The following CLSTN2 variants were observed in gnomAD, a reference collection of about 807,000 sequenced individuals.
CLSTN2 encodes calsyntenin 2.
In CLSTN2, 48 loss-of-function variants were observed where a neutral mutation model predicts 101.2. The ratio of observed to expected loss-of-function variants is 0.47; its 90% confidence interval spans 0.38 to 0.60. The LOEUF is 0.60. Among genes scored for constraint, CLSTN2 ranks in the 20% least tolerant of loss-of-function variants. The pLI is 0.00. For missense variants in CLSTN2, 1,160 were observed against 1,238.2 expected (o/e 0.94, Z 0.95); for synonymous variants, 481 against 463.6 (o/e 1.04, Z -0.48).
intron 1 of CLSTN2, among the ~76,000 whole-genome samples, chr3:140,026,599 G>A (rs1174788116): frequency 6.6e-6 from 1 of 152,194 alleles, no homozygotes; most frequent in Non-Finnish European, 1.5e-5. Context: ...AGGGACTGGA[G>A]TCTACTCTTC....
chr3:140,175,542 G>A (rs2010309795), intron 1 of CLSTN2, among the ~76,000 whole-genome samples: 1 of 152,200 alleles, frequency 6.6e-6, no homozygotes, highest in Non-Finnish European at 1.5e-5. Context: ...CTAGTTTATT[G>A]AGTGACAAAG....
chr3:140,150,438 G>T (rs1395985966), intron 1 of CLSTN2, among the ~76,000 whole-genome samples: 1 of 152,196 alleles, frequency 6.6e-6, no homozygotes, highest in Non-Finnish European at 1.5e-5. Flanking sequence ...GTGCCACCCA[G>T]CTCTCCCTTC....
At chr3:139,979,079 G>A (rs1010313242) in intron 1 of CLSTN2, among the ~76,000 whole-genome samples, 5 of 152,114 alleles carry the variant, frequency 3.3e-5, no homozygotes, top group African/African-American at 4.8e-5. Context: ...TGTGCGCCCC[G>A]CTTTGGAGGT....
rs531162630 is a variant in CLSTN2, at chr3:140,433,801, G to A, written c.787+12527G>A. 2.6e-5 allele frequency among the ~76,000 whole-genome samples: 4 copies of A among 152,358 alleles called. 1 individual carries two copies. The South Asian group carries it at 8.3e-4, about 32-fold the overall frequency. On this transcript the variant is annotated intron_variant, in intron 5 of 16. Coordinates refer to ENST00000458420, the MANE Select transcript of CLSTN2 (RefSeq NM_022131.3). ...GGAAAGTGAAGGCAGAGGAGAGCAAGTAGAAGTGACTAAAGTGCTTTTGGG... is the reference window on the plus strand; with the variant it reads ...GGAAAGTGAAGGCAGAGGAGAGCAAATAGAAGTGACTAAAGTGCTTTTGGG...
intron 2 of CLSTN2, among the ~76,000 whole-genome samples, chr3:140,313,178 G>T (rs982377878): frequency 2.0e-5 from 3 of 152,164 alleles, no homozygotes; most frequent in African/African-American, 7.2e-5. Context: ...AAAACCATCA[G>T]TGGAACAAAT....
chr3:140,448,635 C>G lies in CLSTN2; in HGVS notation c.904C>G (p.Gln302Glu). 6.2e-7 allele frequency: 1 copy of G among 1,614,134 alleles called. No individual in the cohort carries two copies. Among genetic ancestry groups the G allele is most frequent in the Non-Finnish European group, 8.5e-7 (1 of 1,179,996 alleles). ...VSSLQIVTEL[Q>E]TNYIGKGCDR... is the part of the protein sequence containing the mutation. ...TTCCCTCCAGATCGTCACAGAGCTGCAGACTAATTACATTGGGAAGGGTTG... is the reference window on the plus strand; with the variant it reads ...TTCCCTCCAGATCGTCACAGAGCTGGAGACTAATTACATTGGGAAGGGTTG... Residue 302 changes from glutamine (Q) to glutamate (E), a missense_variant, in exon 6 of 17, where the codon CAG becomes GAG. Gln to Glu is a conservative substitution (Grantham distance 29). Transcript: ENST00000458420.
rs934570913 is a variant in CLSTN2, at chr3:139,949,676, T to G, written c.109+14193T>G. Among the ~76,000 whole-genome samples the G allele has an allele frequency of 3.9e-5, 6 of 152,308 alleles. No homozygotes were observed. The East Asian group carries it at 1.2e-3, about 29-fold the overall frequency. On this transcript the variant is annotated intron_variant, in intron 1 of 16. Transcript: ENST00000458420. ...TACCTTTGCTATCAGTGAATTAGCA[T>G]AGACATAAGGCCCCACTTTGCTCCA...
chr3:139,995,082 T>A (rs938641673), intron 1 of CLSTN2, among the ~76,000 whole-genome samples: 2 of 152,094 alleles, frequency 1.3e-5, no homozygotes, highest in Non-Finnish European at 2.9e-5. Context: ...CTGGGGACAA[T>A]TGGATCAAAA....
chr3:140,525,814 C>A (rs948185970), intron 8 of CLSTN2, among the ~76,000 whole-genome samples: 13 of 152,034 alleles, frequency 8.6e-5, no homozygotes, highest in Non-Finnish European at 2.9e-5. Flanking sequence ...TGAACAGAAT[C>A]AAAAACCACA....
chr3:140,268,308 G>T (rs1307612806), intron 2 of CLSTN2, among the ~76,000 whole-genome samples: 1 of 152,150 alleles, frequency 6.6e-6, no homozygotes, highest in Non-Finnish European at 1.5e-5. Flanking sequence ...CTTTCACTCA[G>T]CCCTTTTACC....
intron 8 of CLSTN2, among the ~76,000 whole-genome samples, chr3:140,512,108 G>T (rs900146032): frequency 6.6e-6 from 1 of 151,944 alleles, no homozygotes; most frequent in Admixed American, 6.6e-5. Context: ...TATGATGATA[G>T]TTTCTTTTGC....
At chr3:140,068,448 C>A (rs2008335871) in intron 1 of CLSTN2, among the ~76,000 whole-genome samples, 1 of 152,222 alleles carries the variant, frequency 6.6e-6, no homozygotes, top group Non-Finnish European at 1.5e-5. Flanking sequence ...AAACCCATGT[C>A]TTTGCCTTCT....
chr3:140,347,088 C>T (rs2087555885), intron 2 of CLSTN2, among the ~76,000 whole-genome samples: 1 of 152,138 alleles, frequency 6.6e-6, no homozygotes, highest in Non-Finnish European at 1.5e-5. Flanking sequence ...TAAAGGGGCC[C>T]AGGTTCTGTT....
chr3:140,350,117 G>A (rs1254742999), intron 2 of CLSTN2, among the ~76,000 whole-genome samples: 2 of 152,232 alleles, frequency 1.3e-5, no homozygotes, highest in South Asian at 4.1e-4. Flanking sequence ...GACAGCCCAC[G>A]TGATTCTGCC....
chr3:140,491,761 G>A (rs1934356889), intron 8 of CLSTN2, among the ~76,000 whole-genome samples: 1 of 152,228 alleles, frequency 6.6e-6, no homozygotes, highest in Non-Finnish European at 1.5e-5. Context: ...GGTTGAGGCT[G>A]CAGTGAGCCG....
chr3:140,171,828 A>T (rs1200783698), intron 1 of CLSTN2, among the ~76,000 whole-genome samples: 2 of 97,936 alleles, frequency 2.0e-5, no homozygotes, highest in African/African-American at 3.8e-5. Context: ...TATTATATAT[A>T]ATAACAATAT....
intron 1 of CLSTN2, among the ~76,000 whole-genome samples, chr3:140,050,575 C>A (rs554174022): frequency 2.6e-5 from 4 of 152,294 alleles, no homozygotes; most frequent in East Asian, 3.9e-4. Flanking sequence ...GGAATTGTGA[C>A]CCTCTGTTGA....
At chr3:140,357,675 G>A (rs1310080062) in intron 2 of CLSTN2, among the ~76,000 whole-genome samples, 2 of 152,142 alleles carry the variant, frequency 1.3e-5, no homozygotes, top group East Asian at 1.9e-4. Context: ...GCAGGGCAGA[G>A]ACTCCACTAT....
At chr3:140,420,603 A>C (rs879377653) in intron 4 of CLSTN2, among the ~76,000 whole-genome samples, 8 of 152,232 alleles carry the variant, frequency 5.3e-5, no homozygotes, top group Admixed American at 4.6e-4. Context: ...CGCTTTCAGA[A>C]GGGAGGTCAC....
Sources: allele counts gnomAD v4.1 joint callset (sites outside exome capture counted in the v4.1 genomes callset), GRCh38; gene constraint gnomAD v4.1.1; transcripts MANE v1.5; gene names NCBI Gene and HGNC (gene_info 2026-07-23, HGNC 2026-07-21).